Variants in UVRAG observed in about 807,000 individuals in gnomAD.
UVRAG encodes UV radiation resistance associated, also known as UV radiation resistance-associated gene protein.
A neutral mutation model predicts 78.0 loss-of-function variants in UVRAG; 19 were observed. The observed-to-expected ratio is 0.24, with a 90% CI of 0.17 to 0.36. The LOEUF (loss-of-function observed/expected upper bound fraction) is 0.36, where lower values mean the gene tolerates loss of function less well. Ranked by LOEUF, UVRAG falls within the 10% of genes least tolerant of loss-of-function variation. UVRAG has a pLI of 1.00. For missense variants in UVRAG, 740 were observed against 853.8 expected (o/e 0.87, Z 1.66); for synonymous variants, 323 against 324.6 (o/e 1.00, Z 0.05).
chr11:76,085,814 G>C (rs967101425), intron 13 of UVRAG, among the ~76,000 whole-genome samples: 3 of 152,120 alleles, frequency 2.0e-5, no homozygotes, highest in African/African-American at 7.2e-5. Flanking sequence ...TGTGATCAAG[G>C]TAAGCAGGTT....
chr11:76,076,125 G>A (rs1177705064), intron 13 of UVRAG, among the ~76,000 whole-genome samples: 2 of 152,168 alleles, frequency 1.3e-5, no homozygotes, highest in African/African-American at 4.8e-5. Context: ...TGGAATTGCT[G>A]AGCCATATGG....
intron 12 of UVRAG, among the ~76,000 whole-genome samples, chr11:76,029,683 A>G (rs1410896144): frequency 6.6e-6 from 1 of 152,212 alleles, no homozygotes; most frequent in Non-Finnish European, 1.5e-5. Context: ...ACCTAATTCT[A>G]GTGAAGATGA....
At chr11:76,120,647 A>G (rs1952256333) in intron 14 of UVRAG, among the ~76,000 whole-genome samples, 1 of 152,254 alleles carries the variant, frequency 6.6e-6, no homozygotes, top group Admixed American at 6.5e-5. Flanking sequence ...GTGAACAGGA[A>G]TGTGTCACTT....
chr11:76,100,511 T>C (rs1181930412), intron 13 of UVRAG, among the ~76,000 whole-genome samples: 1 of 152,158 alleles, frequency 6.6e-6, no homozygotes, highest in Non-Finnish European at 1.5e-5. Context: ...AATTCTCTCC[T>C]AATATCTTCA....
At chr11:75,861,698 G>A (rs778332326) in intron 2 of UVRAG, 48 bp from the exon 3 acceptor site, 36 of 1,407,970 alleles carry the variant, frequency 2.6e-5, no homozygotes, top group Non-Finnish European at 3.4e-5. Flanking sequence ...TGGTTAATGG[G>A]CTTATTTTCT....
chr11:75,897,068 A>G (rs1947358290), intron 5 of UVRAG, among the ~76,000 whole-genome samples: 1 of 152,252 alleles, frequency 6.6e-6, no homozygotes, highest in African/African-American at 2.4e-5. Context: ...TAGAGCAGGC[A>G]TAGAATCCAA....
intron 2 of UVRAG, 40 bp downstream of exon 2, chr11:75,852,040 A>AT: frequency 7.1e-7 from 1 of 1,414,370 alleles, no homozygotes; most frequent in Non-Finnish European, 9.7e-7. Flanking sequence ...AGATTGTTAT[A>AT]TTTTTATTTT....
intron 3 of UVRAG, 107 bp downstream of exon 3, chr11:75,861,887 T>G: frequency 2.3e-6 from 2 of 888,794 alleles, no homozygotes; most frequent in Non-Finnish European, 3.6e-6. Context: ...TTATGATACT[T>G]TAACGGATCT....
chr11:76,141,499 A>G lies in UVRAG; in HGVS notation c.*86A>G, dbSNP rs1952723430. On this transcript the variant is annotated 3_prime_UTR_variant, in exon 15 of 15. Coordinates refer to ENST00000356136, the MANE Select transcript of UVRAG (RefSeq NM_003369.4). Reference sequence around the variant, plus strand: ...CACTTAACCCTTTGTGATAATGATGACACAAAATGAATATTAATGGAGGAT... The same window carrying G: ...CACTTAACCCTTTGTGATAATGATGGCACAAAATGAATATTAATGGAGGAT... The G allele has an allele frequency of 3.7e-5, 47 of 1,282,198 alleles. No homozygotes were observed. The highest frequency in any genetic ancestry group is 4.7e-5 in the Non-Finnish European group (44 of 931,144). 79.4% of individuals were successfully genotyped at this position (1,282,198 alleles called of 1,614,324 possible).
chr11:75,877,164 G>A (rs1007475111), intron 3 of UVRAG, among the ~76,000 whole-genome samples: 4 of 151,820 alleles, frequency 2.6e-5, no homozygotes, highest in Admixed American at 6.5e-5. Flanking sequence ...CAGGGTTGGG[G>A]GGTAAGGTCA....
chr11:76,030,082 T>A (rs1950407068), intron 12 of UVRAG, among the ~76,000 whole-genome samples: 1 of 152,210 alleles, frequency 6.6e-6, no homozygotes, highest in African/African-American at 2.4e-5. Context: ...TTCTTTAATT[T>A]TTTCCATGAA....
intron 13 of UVRAG, among the ~76,000 whole-genome samples, chr11:76,076,526 A>G (rs188449302): frequency 2.6e-5 from 4 of 152,304 alleles, no homozygotes; most frequent in Non-Finnish European, 5.9e-5. Flanking sequence ...GGTCCCTCCC[A>G]TGACACGTGG....
intron 13 of UVRAG, among the ~76,000 whole-genome samples, chr11:76,082,559 ACAT>A (rs1951517472): frequency 1.3e-5 from 2 of 150,710 alleles, no homozygotes; most frequent in South Asian, 4.2e-4. Flanking sequence ...AAAAAAAAAA[ACAT>A]AGGTAACAAT....
rs190883696 is a variant in UVRAG, at chr11:75,920,112, G to A, written c.593+8073G>A. On this transcript the variant is annotated intron_variant, in intron 6 of 14. Transcript: ENST00000356136. ...GTGATTTTGGCTCGCTGCAACCTCC[G>A]CCTCTCCAGTTCAAGCGATTCTTCT... 7.3e-3 allele frequency among the ~76,000 whole-genome samples: 903 copies of A among 123,540 alleles called. 4 individuals carry two copies. The highest frequency in any genetic ancestry group is 9.5e-3 in the Admixed American group (85 of 8,980). 81.0% of individuals were successfully genotyped at this position (123,540 alleles called of 152,430 possible).
chr11:75,928,085 A>G (rs1252464635), intron 6 of UVRAG, among the ~76,000 whole-genome samples: 1 of 152,052 alleles, frequency 6.6e-6, no homozygotes, highest in African/African-American at 2.4e-5. Flanking sequence ...CTGGCCAACA[A>G]AGCTGAGACC....
intron 7 of UVRAG, among the ~76,000 whole-genome samples, chr11:75,971,331 C>T (rs193101597): frequency 8.5e-5 from 13 of 152,168 alleles, no homozygotes; most frequent in South Asian, 2.1e-4. Context: ...TTTGTGTAAA[C>T]GTAAGTTTTC....
chr11:75,893,139 T>C lies in UVRAG; in HGVS notation c.507+4236T>C, dbSNP rs369422007. Among the ~76,000 whole-genome samples, 13 of 149,944 alleles carry C rather than the reference T, an allele frequency of 8.7e-5. 1 individual carries two copies. Among genetic ancestry groups the C allele is most frequent in the Admixed American group, 6.7e-4 (10 of 15,028 alleles). On this transcript the variant is annotated intron_variant, in intron 5 of 14. Coordinates refer to ENST00000356136, the MANE Select transcript of UVRAG (RefSeq NM_003369.4). ...TTGCAGTGAGCCGAGATCGCACCACTGCACCCCAGCCTGGAGGCCAGAGCA... is the reference window on the plus strand; with the variant it reads ...TTGCAGTGAGCCGAGATCGCACCACCGCACCCCAGCCTGGAGGCCAGAGCA...
chr11:76,033,878 C>T (rs1033901355), intron 12 of UVRAG, among the ~76,000 whole-genome samples: 26 of 152,156 alleles, frequency 1.7e-4, no homozygotes, highest in Admixed American at 1.6e-3. Flanking sequence ...GAGAAACTCT[C>T]ATCCTTTGCT....
intron 3 of UVRAG, among the ~76,000 whole-genome samples, chr11:75,870,095 G>A (rs1453477163): frequency 6.6e-6 from 1 of 152,106 alleles, no homozygotes; most frequent in Non-Finnish European, 1.5e-5. Flanking sequence ...AAATCATCTG[G>A]GTCTATATAG....
Sources: allele counts gnomAD v4.1 joint callset (sites outside exome capture counted in the v4.1 genomes callset), GRCh38; gene constraint gnomAD v4.1.1; transcripts MANE v1.5; gene names NCBI Gene and HGNC (gene_info 2026-07-23, HGNC 2026-07-21).